Variants in DUX4 observed in about 807,000 individuals in gnomAD.
The protein encoded by DUX4 is double homeobox 4.
downstream of DUX4, among the ~76,000 whole-genome samples, chr4:190,179,555 G>T (rs1579835653): frequency 8.6e-5 from 13 of 150,320 alleles, no homozygotes; most frequent in Admixed American, 2.0e-4. Flanking sequence ...TCACCTGGGT[G>T]ATCAGTGCAG....
chr4:190,177,718 C>T (rs2126569720), downstream of DUX4, among the ~76,000 whole-genome samples: 1 of 152,264 alleles, frequency 6.6e-6, no homozygotes, highest in Non-Finnish European at 1.5e-5. Flanking sequence ...GTGATCACTG[C>T]AGAGATATAT....
At chr4:190,175,477 G>T (rs1479988744) in intron 1 of DUX4, among the ~76,000 whole-genome samples, 170 bp from the exon 2 acceptor site, 2 of 14,506 alleles carry the variant, frequency 1.4e-4, no homozygotes, top group Admixed American at 2.7e-3. Context: ...GCGAAACACC[G>T]GGCCCCGCGC....
intron 1 of DUX4, among the ~76,000 whole-genome samples, chr4:190,181,227 A>ATCCCC (rs1742553592): frequency 7.1e-6 from 1 of 141,372 alleles, no homozygotes; most frequent in Non-Finnish European, 1.5e-5. Context: ...CATTGCCCCC[A>ATCCCC]TAGGCAAATC....
downstream of DUX4, among the ~76,000 whole-genome samples, chr4:190,178,018 A>AGGTTG (rs1742399783): frequency 6.8e-6 from 1 of 146,874 alleles, no homozygotes. Flanking sequence ...TGCCCCCTGT[A>AGGTTG]AGCAGATCCC....
At chr4:190,176,580 G>A (rs1373695718), downstream of DUX4, among the ~76,000 whole-genome samples, 111 of 68,968 alleles carry the variant, frequency 1.6e-3, no homozygotes, top group Admixed American at 1.9e-3. Flanking sequence ...AAAGCCTCCT[G>A]TAGGCAGAAC....
chr4:190,184,014 C>T (rs1476369237), intron 1 of DUX4, among the ~76,000 whole-genome samples: 5,970 of 101,154 alleles, frequency 0.059, 47 homozygotes, highest in East Asian at 0.13. Flanking sequence ...AGAAGGAGCA[C>T]GTCCCCCAAA....
Position 190,183,870 on chromosome 4 carries a change from G to C in DUX4, n.93-1471G>C, listed in dbSNP as rs1185296813. Among the ~76,000 whole-genome samples, 20 of 122,162 alleles carry C rather than the reference G, an allele frequency of 1.6e-4. 1 individual carries two copies. Among genetic ancestry groups the C allele is most frequent in the African/African-American group, 4.8e-4 (19 of 39,210 alleles). 80.1% of individuals were successfully genotyped at this position (122,162 alleles called of 152,430 possible). On this transcript the variant is annotated intron_variant and non_coding_transcript_variant, in intron 1 of 2. Coordinates refer to the DUX4 transcript ENST00000563716. ...GACAAATGTCTAAGCCTCGTGGTTA[G>C]TGGGGACATTGCTGGTGGAGTCTGA...
intron 1 of DUX4, among the ~76,000 whole-genome samples, chr4:190,181,479 A>T (rs1742572916): frequency 5.5e-3 from 750 of 137,222 alleles, no homozygotes; most frequent in African/African-American, 6.7e-3. Flanking sequence ...ATCAGTGCAG[A>T]GATACGTCAC....
At chr4:190,181,591 A>ACCCAAAGCCCT (rs1742584581) in intron 1 of DUX4, among the ~76,000 whole-genome samples, 2 of 37,076 alleles carry the variant, frequency 5.4e-5, no homozygotes, top group African/African-American at 2.3e-4. Flanking sequence ...GTCAAGCGTT[A>ACCCAAAGCCCT]CATCACCTGG....
At chr4:190,183,114 GT>G (rs1428635636) in intron 1 of DUX4, 1 of 44,308 alleles carries the variant, frequency 2.3e-5, no homozygotes, top group Non-Finnish European at 7.2e-5. Flanking sequence ...TTAGGGTTAG[GT>G]TTTAGGGTTA....
At chr4:190,180,071 C>A (rs1345244587), downstream of DUX4, among the ~76,000 whole-genome samples, 22 of 1,524 alleles carry the variant, frequency 0.014, no homozygotes, top group Non-Finnish European at 0.021. Flanking sequence ...ATAGGCGAAT[C>A]CAAGACAAGA....
downstream of DUX4, among the ~76,000 whole-genome samples, chr4:190,177,909 C>A (rs1553983367): frequency 1.8e-3 from 241 of 134,966 alleles, no homozygotes; most frequent in South Asian, 4.3e-3. Flanking sequence ...GTGACATCAC[C>A]TGGGTGATCA....
In DUX4 at chr4:190,183,965, T is replaced by C. The variant is rs1215389411; in HGVS notation, n.93-1376T>C. Among the ~76,000 whole-genome samples, 59 of 119,200 alleles carry C rather than the reference T, an allele frequency of 4.9e-4. 1 individual carries two copies. The highest frequency in any genetic ancestry group is 1.5e-3 in the African/African-American group (58 of 38,966). 78.2% of individuals were successfully genotyped at this position (119,200 alleles called of 152,430 possible). A position where few individuals can be genotyped will look rare whatever the true frequency, so the allele number is the denominator to read the frequency against. On this transcript the variant is annotated intron_variant and non_coding_transcript_variant, in intron 1 of 2. Transcript: ENST00000563716. ...TATATGACACAGAGATGCAAAGAAA[T>C]GTTGTAGCTGACACACACAGGCTGG...
downstream of DUX4, among the ~76,000 whole-genome samples, chr4:190,176,045 C>T (rs1210608157): frequency 3.6e-4 from 40 of 111,548 alleles, 7 homozygotes; most frequent in African/African-American, 1.0e-3. Flanking sequence ...TAGACAGAGC[C>T]TAGACAATTG....
At chr4:190,176,976 G>C, downstream of DUX4, among the ~76,000 whole-genome samples, 1 of 127,100 alleles carries the variant, frequency 7.9e-6, no homozygotes, top group Admixed American at 8.9e-5. Flanking sequence ...GCAGATATTT[G>C]ACACAATGCC....
downstream of DUX4, among the ~76,000 whole-genome samples, chr4:190,179,493 T>C (rs1742497804): frequency 8.8e-3 from 987 of 112,664 alleles, no homozygotes; most frequent in African/African-American, 0.018. Context: ...GGGTGATCAG[T>C]GCAGAGATAT....
In DUX4 at chr4:190,175,655, G is replaced by T. The variant is rs1455372527; in HGVS notation, c.*245G>T. 6.9e-5 allele frequency: 9 copies of T among 130,270 alleles called. 2 individuals carry two copies. The highest frequency in any genetic ancestry group is 1.3e-4 in the Admixed American group (1 of 7,868). The allele number at this position is 130,270 out of a possible 1,614,324, so 8.1% of individuals were successfully genotyped here. ...GCCCGCTTCCTGGCTAGACCTGCGCGCAGTGCGCACCCCGGCTGACGTGCA... is the reference window on the plus strand; with the variant it reads ...GCCCGCTTCCTGGCTAGACCTGCGCTCAGTGCGCACCCCGGCTGACGTGCA... On this transcript the variant is annotated 3_prime_UTR_variant, in exon 2 of 2. Transcript: ENST00000565211.
chr4:190,179,486 TGATCAGTG>T (rs1742497495), downstream of DUX4, among the ~76,000 whole-genome samples: 2 of 120,192 alleles, frequency 1.7e-5, no homozygotes, highest in Non-Finnish European at 2.0e-5. Context: ...ATCACCTGGG[TGATCAGTG>T]CAGAGATATG....
chr4:190,175,943 C>G (rs1434306252), downstream of DUX4: 1 of 110,482 alleles, frequency 9.1e-6, no homozygotes, highest in African/African-American at 2.7e-5. Context: ...GTGATCAGTG[C>G]AGATGTGTTT....
Sources: gnomAD v4.1 joint callset for allele counts (sites outside exome capture counted in the v4.1 genomes callset) on GRCh38, gnomAD v4.1.1 for gene constraint, MANE v1.5 for transcripts, NCBI Gene and HGNC (gene_info 2026-07-23, HGNC 2026-07-21) for gene names.